Variants in RORA observed in about 807,000 individuals in gnomAD.
RORA encodes the protein nuclear receptor ROR-alpha.
Under a neutral mutation model 69.5 loss-of-function variants are expected in RORA, and 7 were observed. The ratio of observed to expected loss-of-function variants is 0.10; its 90% CI spans 0.06 to 0.19. The LOEUF (loss-of-function observed/expected upper bound fraction) is 0.19. RORA is among the 10% of genes least tolerant of loss of function. The probability of loss-of-function intolerance (pLI) is 1.00; values close to 1 mark genes in which losing one functional copy is unlikely to be tolerated. For missense variants in RORA, 457 were observed against 663.0 expected, an observed-to-expected ratio of 0.69 and a Z score of 3.41; for synonymous variants, 261 against 240.8, an observed-to-expected ratio of 1.08 and a Z score of -0.78.
intron 1 of RORA, among the ~76,000 whole-genome samples, chr15:61,016,756 G>A (rs1172682691): frequency 6.6e-6 from 1 of 152,142 alleles, no homozygotes; most frequent in Non-Finnish European, 1.5e-5. Flanking sequence ...AAGTCACTGG[G>A]CAATTAGAAG....
chr15:60,996,627 C>A (rs1437233067), intron 1 of RORA, among the ~76,000 whole-genome samples: 22 of 152,056 alleles, frequency 1.4e-4, no homozygotes, highest in Admixed American at 1.4e-3. Flanking sequence ...ATAATATCTT[C>A]AGGCCGGGCA....
chr15:60,716,660 A>T (rs188519296), intron 1 of RORA, among the ~76,000 whole-genome samples: 17 of 152,188 alleles, frequency 1.1e-4, no homozygotes, highest in African/African-American at 3.9e-4. Flanking sequence ...ACCTGCCCCA[A>T]AGCAGGACTC....
chr15:60,587,214 A>G (rs1474275755), intron 2 of RORA, among the ~76,000 whole-genome samples: 1 of 152,212 alleles, frequency 6.6e-6, no homozygotes, highest in Non-Finnish European at 1.5e-5. Flanking sequence ...ATATCCTCTT[A>G]AAACAAGCAG....
At chr15:61,096,068 T>C (rs1413071413) in intron 1 of RORA, among the ~76,000 whole-genome samples, 2 of 152,194 alleles carry the variant, frequency 1.3e-5, no homozygotes, top group African/African-American at 4.8e-5. Context: ...GAGCAGGAGA[T>C]TGGCTCTTCT....
At chr15:61,023,470 C>A (rs1245735047) in intron 1 of RORA, among the ~76,000 whole-genome samples, 2 of 152,074 alleles carry the variant, frequency 1.3e-5, no homozygotes, top group Non-Finnish European at 2.9e-5. Flanking sequence ...GGAAACCACC[C>A]CCATGATTCA....
intron 2 of RORA, among the ~76,000 whole-genome samples, chr15:60,567,353 G>T (rs2067744595): frequency 6.6e-6 from 1 of 151,738 alleles, no homozygotes; most frequent in Non-Finnish European, 1.5e-5. Context: ...AAATGTTTGG[G>T]TTTGCACCTT....
At chr15:60,770,075 T>G (rs1465831033) in intron 1 of RORA, among the ~76,000 whole-genome samples, 2 of 152,040 alleles carry the variant, frequency 1.3e-5, no homozygotes, top group Non-Finnish European at 2.9e-5. Context: ...TGGGTAGGAG[T>G]GTTCATTACT....
rs1428699560 is a variant in RORA at position 60,542,661 on chromosome 15, A to C, written c.197-10810T>G. The stretch of plus-strand genomic sequence containing the variant: ...CACACACGACACACGGGCACACCTC[A>C]CACACATGGCACACGGGCACACCTC... On this transcript the variant is annotated intron_variant, in intron 2 of 10. Transcript: ENST00000335670. Among the ~76,000 whole-genome samples, 135 of 123,068 alleles carry C rather than the reference A, an allele frequency of 1.1e-3. 8 individuals carry two copies. Among genetic ancestry groups the C allele is most frequent in the African/African-American group, 5.1e-3 (127 of 25,096 alleles). 80.7% of individuals were successfully genotyped at this position (123,068 alleles called of 152,430 possible). A position where few individuals can be genotyped will look rare whatever the true frequency, so the allele number is the denominator to read the frequency against.
intron 1 of RORA, among the ~76,000 whole-genome samples, chr15:61,029,938 A>G (rs1393471389): frequency 6.6e-6 from 1 of 152,136 alleles, no homozygotes; most frequent in East Asian, 1.9e-4. Context: ...AAGAGAGACA[A>G]GTGGAGGCAT....
intron 2 of RORA, among the ~76,000 whole-genome samples, chr15:60,579,366 C>A (rs932111769): frequency 1.3e-5 from 2 of 152,068 alleles, no homozygotes; most frequent in African/African-American, 4.8e-5. Context: ...TAAATCCAAA[C>A]GCTCTCTAAT....
At chr15:61,219,460 A>G (rs1317487615) in intron 1 of RORA, among the ~76,000 whole-genome samples, 2 of 152,188 alleles carry the variant, frequency 1.3e-5, no homozygotes, top group Non-Finnish European at 2.9e-5. Flanking sequence ...CTATTGTTCC[A>G]GCTATTCGGG....
At chr15:60,654,746 A>C (rs1387575399) in intron 2 of RORA, among the ~76,000 whole-genome samples, 1 of 152,202 alleles carries the variant, frequency 6.6e-6, no homozygotes, top group Non-Finnish European at 1.5e-5. Context: ...TGACCATGGA[A>C]GCAGAGGGAC....
chr15:60,627,341 C>G (rs771936038), intron 2 of RORA: 12 of 1,614,080 alleles, frequency 7.4e-6, no homozygotes, highest in South Asian at 6.6e-5. Flanking sequence ...GCCTCAGTCT[C>G]TAAGTCACTG....
intron 1 of RORA, among the ~76,000 whole-genome samples, chr15:61,112,547 G>A (rs1334423119): frequency 6.6e-6 from 1 of 152,162 alleles, no homozygotes; most frequent in Non-Finnish European, 1.5e-5. Flanking sequence ...GTTGAGGCCA[G>A]GAAGTAAAGG....
At chr15:60,960,496 C>T (rs759206494) in intron 1 of RORA, among the ~76,000 whole-genome samples, 1 of 152,154 alleles carries the variant, frequency 6.6e-6, no homozygotes, top group Non-Finnish European at 1.5e-5. Context: ...CTTTGGCCTA[C>T]TGGAATGGCT....
intron 2 of RORA, among the ~76,000 whole-genome samples, chr15:60,560,538 A>G (rs1040858892): frequency 6.6e-6 from 1 of 152,132 alleles, no homozygotes; most frequent in Non-Finnish European, 1.5e-5. Context: ...AAAAAAAAAA[A>G]ATTAGCCGAG....
chr15:61,128,481 C>A lies in RORA; in HGVS notation c.166+100572G>T, dbSNP rs2079161877. On this transcript the variant is annotated intron_variant, in intron 1 of 10. Transcript: ENST00000335670. This position sits in a 1 kb window ranked among gnomAD's most constrained non-coding sequence, Gnocchi z 4.5. ...GTCACTGGAATTCCCTGGGCATCCACACAAATGAATATAATTACAGATACC... is the reference window on the plus strand; with the variant it reads ...GTCACTGGAATTCCCTGGGCATCCAAACAAATGAATATAATTACAGATACC... 6.6e-6 allele frequency among the ~76,000 whole-genome samples: 1 copy of A among 152,128 alleles called. No individual in the cohort carries two copies. The highest frequency in any genetic ancestry group is 6.5e-5 in the Admixed American group (1 of 15,274).
chr15:60,858,117 C>G (rs2073399820), intron 1 of RORA, among the ~76,000 whole-genome samples: 1 of 152,136 alleles, frequency 6.6e-6, no homozygotes. Flanking sequence ...GGCCTGTTGC[C>G]CATGGCCAGT....
chr15:60,763,531 G>A (rs2071931953), intron 1 of RORA, among the ~76,000 whole-genome samples: 1 of 152,118 alleles, frequency 6.6e-6, no homozygotes, highest in South Asian at 2.1e-4. Flanking sequence ...GAGGAGGTTC[G>A]CTGCTGCCAG....
Sources: gnomAD v4.1 joint callset for allele counts (sites outside exome capture counted in the v4.1 genomes callset) on GRCh38, gnomAD v4.1.1 for gene constraint, Gnocchi (gnomAD v3.1) non-coding constraint, MANE v1.5 for transcripts, NCBI Gene and HGNC (gene_info 2026-07-23, HGNC 2026-07-21) for gene names.